CCDC9B: variants seen among roughly 807,000 people sequenced by gnomAD.
CCDC9B encodes coiled-coil domain-containing protein 9B.
Under a neutral mutation model 47.2 loss-of-function variants are expected in CCDC9B, and 40 were observed. That is an observed-to-expected ratio of 0.85 (90% CI 0.66 to 1.10). CCDC9B has a LOEUF of 1.10. Among genes scored for constraint, CCDC9B ranks in the 50% least tolerant of loss-of-function variants. The pLI is 0.00. For synonymous variants in CCDC9B, 238 were observed against 250.7 expected (o/e 0.95, Z 0.48); for missense variants, 662 against 651.0 (o/e 1.02, Z -0.18).
At chr15:40,339,487 C>G in intron 3 of CCDC9B, 25 bp downstream of exon 3, 3 of 1,612,158 alleles carry the variant, frequency 1.9e-6, no homozygotes, top group Non-Finnish European at 2.5e-6. Context: ...TTGCTACGAG[C>G]CCTGTCTCCC....
At chr15:40,337,671 C>G (rs1205213373) in intron 6 of CCDC9B, 53 bp downstream of exon 6, 4 of 1,535,142 alleles carry the variant, frequency 2.6e-6, no homozygotes, top group Non-Finnish European at 3.5e-6. Flanking sequence ...CAGCAGTGCC[C>G]GAAGCCAGCT....
chr15:40,337,190 C>G, intron 7 of CCDC9B, 198 bp downstream of exon 7: 1 of 715,300 alleles, frequency 1.4e-6, no homozygotes, highest in Non-Finnish European at 2.6e-6. Flanking sequence ...AGAACCTGGA[C>G]AAGAGCTGTG....
rs1222490335 is a variant in CCDC9B at position 40,334,287 on chromosome 15, TTCTC to T, written c.*867_*870del. 3 of 152,936 alleles carry T rather than the reference TTCTC, an allele frequency of 2.0e-5. No homozygotes were observed. The highest frequency in any genetic ancestry group is 4.8e-5 in the African/African-American group (2 of 41,578). The allele number at this position is 152,936 out of a possible 1,614,324, so 9.5% of individuals were successfully genotyped here. A position where few individuals can be genotyped will look rare whatever the true frequency, so the allele number is the denominator to read the frequency against. On this transcript the variant is annotated 3_prime_UTR_variant, in exon 11 of 11. Transcript: ENST00000397536. ...GATGTCATACTTAGCTGGAAGTTGT[TTCTC>T]TGTCTGTGGAGTAGCTGTCTGATTC...
At chr15:40,339,468 T>C (rs1236495480) in intron 3 of CCDC9B, 44 bp downstream of exon 3, 9 of 1,601,678 alleles carry the variant, frequency 5.6e-6, no homozygotes, top group Non-Finnish European at 7.7e-6. Context: ...GGTCTGGGCC[T>C]CCACCTCCTT....
At chr15:40,339,095 C>T (rs1595714357) in intron 3 of CCDC9B, 192 bp from the exon 4 acceptor site, 1 of 673,972 alleles carries the variant, frequency 1.5e-6, no homozygotes, top group Non-Finnish European at 2.6e-6. Context: ...CACCCAGCGG[C>T]CCAAGATGCC....
Position 40,335,182 on chromosome 15 carries a change from G to A in CCDC9B, c.1449C>T (p.Arg483=). The A allele has an allele frequency of 6.6e-7, 1 of 1,515,018 alleles. No individual in the cohort carries two copies. The highest frequency in any genetic ancestry group is 8.8e-7 in the Non-Finnish European group (1 of 1,131,106). 93.8% of individuals were successfully genotyped at this position (1,515,018 alleles called of 1,614,324 possible). The change falls in exon 11 of 11, where the codon CGC becomes CGT. Residue 483 remains arginine, a synonymous_variant. Coordinates refer to ENST00000397536, the MANE Select transcript of CCDC9B (RefSeq NM_207380.3). ...TTCAGCATCTTCCTGCCGGGCCAGGGCGCCCTGTCCTGCGCCTCACACCTG... is the reference window on the plus strand; with the variant it reads ...TTCAGCATCTTCCTGCCGGGCCAGGACGCCCTGTCCTGCGCCTCACACCTG... The part of the protein sequence containing the change: ...GTAGVRRRTG[R]PGPAGRC
chr15:40,334,869 A>G lies in CCDC9B; in HGVS notation c.*289T>C. 1 of 295,016 alleles carries G rather than the reference A, an allele frequency of 3.4e-6. No homozygotes were observed. Among genetic ancestry groups the G allele is most frequent in the Non-Finnish European group, 6.3e-6 (1 of 159,032 alleles). The allele number at this position is 295,016 out of a possible 1,614,324, so 18.3% of individuals were successfully genotyped here. Reference sequence around the variant, plus strand: ...GGAGAAGGCTTGTGGCCTGGGCAGCAGTAGGCCCAGGTCAGGGTGCACCAG... The same window carrying G: ...GGAGAAGGCTTGTGGCCTGGGCAGCGGTAGGCCCAGGTCAGGGTGCACCAG... On this transcript the variant is annotated 3_prime_UTR_variant, in exon 11 of 11. Transcript: ENST00000397536.
Position 40,335,704 on chromosome 15 carries a change from A to C in CCDC9B, c.931-4T>G, listed in dbSNP as rs1888943176. 1.5e-5 allele frequency: 23 copies of C among 1,568,350 alleles called. No homozygotes were observed. The highest frequency in any genetic ancestry group is 1.9e-5 in the Non-Finnish European group (22 of 1,155,278). ...TCTCTCTGGTGCTTTGGCTTCCCTG[A>C]AACAAGAGAATAGCCCCGGTGGCTG... is the stretch of plus-strand genomic sequence containing the variant. On this transcript the variant is annotated splice_polypyrimidine_tract_variant and splice_region_variant and intron_variant, in intron 10 of 10. Transcript: ENST00000397536.
In CCDC9B at chr15:40,337,883, T is replaced by C. The variant is rs1320173113; in HGVS notation, c.524A>G (p.Glu175Gly). 2 of 1,597,826 alleles carry C rather than the reference T, an allele frequency of 1.3e-6. No individual in the cohort carries two copies. The highest frequency in any genetic ancestry group is 3.4e-5 in the Admixed American group (2 of 58,486). ...CTCCCCCACCGGCCGGCTCCAGGGCTCCCAAGAACCCTGTAGGGAGAAGAC... is the reference window on the plus strand; with the variant it reads ...CTCCCCCACCGGCCGGCTCCAGGGCCCCCAAGAACCCTGTAGGGAGAAGAC... ...SSDSARKGSW[E>G]PWSRPVGEPP... Residue 175 changes from glutamate (E) to glycine (G), a missense_variant, in exon 6 of 11, where the codon GAG becomes GGG. By Grantham distance (98) the Glu-to-Gly change is moderately conservative. Coordinates refer to ENST00000397536, the MANE Select transcript of CCDC9B (RefSeq NM_207380.3).
At chr15:40,337,604 C>G in intron 6 of CCDC9B, 120 bp downstream of exon 6, 1 of 1,262,780 alleles carries the variant, frequency 7.9e-7, no homozygotes, top group Non-Finnish European at 1.1e-6. Context: ...ACCCTGGGCT[C>G]GACCAGAATG....
At position 40,335,181 on chromosome 15, in the gene CCDC9B, G is replaced by A. The variant is rs768598403; in HGVS notation, c.1450C>T (p.Pro484Ser). 1 of 1,514,362 alleles carries A rather than the reference G, an allele frequency of 6.6e-7. No individual in the cohort carries two copies. The highest frequency in any genetic ancestry group is 8.8e-7 in the Non-Finnish European group (1 of 1,130,780). The allele number at this position is 1,514,362 out of a possible 1,614,324, so 93.8% of individuals were successfully genotyped here. Residue 484 changes from proline (P) to serine (S), a missense_variant, in exon 11 of 11, where the codon CCT (proline) becomes TCT (serine). Physicochemically the swap from Pro to Ser is moderately conservative, Grantham distance 74. Coordinates refer to ENST00000397536, the MANE Select transcript of CCDC9B (RefSeq NM_207380.3). Reference sequence around the variant, plus strand: ...GTTCAGCATCTTCCTGCCGGGCCAGGGCGCCCTGTCCTGCGCCTCACACCT... The same window carrying A: ...GTTCAGCATCTTCCTGCCGGGCCAGAGCGCCCTGTCCTGCGCCTCACACCT... ...TAGVRRRTGRPGPAGRC is the reference protein window; with the variant it reads ...TAGVRRRTGRSGPAGRC
intron 2 of CCDC9B, 39 bp from the exon 3 acceptor site, chr15:40,339,658 C>T (rs1199326737): frequency 6.2e-7 from 1 of 1,609,380 alleles, no homozygotes; most frequent in East Asian, 2.2e-5. Context: ...CCATGGCCCC[C>T]CAGGTGCACA....
At chr15:40,336,166 G>T in intron 9 of CCDC9B, 1 of 985,414 alleles carries the variant, frequency 1.0e-6, no homozygotes, top group Non-Finnish European at 1.2e-6. Flanking sequence ...GTGGCTCCAG[G>T]ATGCTTCCCC....
rs997342402 is a variant in CCDC9B at position 40,332,594 on chromosome 15, A to G, written c.*2564T>C. The G allele has an allele frequency of 1.3e-5, 2 of 152,222 alleles. No homozygotes were observed. Among genetic ancestry groups the G allele is most frequent in the Non-Finnish European group, 1.5e-5 (1 of 68,090 alleles). 9.4% of individuals were successfully genotyped at this position (152,222 alleles called of 1,614,324 possible). On this transcript the variant is annotated 3_prime_UTR_variant, in exon 11 of 11. Transcript: ENST00000397536. ...AACCCGAGCTCTGCCTGCTTCCTAC[A>G]TCCTCATTCCAGGGTCAGACGAGCC... is the stretch of plus-strand genomic sequence containing the variant.
chr15:40,335,105 G>A lies in CCDC9B; in HGVS notation c.*53C>T. The A allele has an allele frequency of 6.9e-7, 1 of 1,454,358 alleles. No individual in the cohort carries two copies. The highest frequency in any genetic ancestry group is 1.4e-5 in the South Asian group (1 of 70,126). The allele number at this position is 1,454,358 out of a possible 1,614,324, so 90.1% of individuals were successfully genotyped here. A position where few individuals can be genotyped will look rare whatever the true frequency, so the allele number is the denominator to read the frequency against. On this transcript the variant is annotated 3_prime_UTR_variant, in exon 11 of 11. Transcript: ENST00000397536. Reference sequence around the variant, plus strand: ...GCCATCACGCGGAGGGCCTTTAACAGAGTGATTCCCTTTTCCTCTCCCCGG... The same window carrying A: ...GCCATCACGCGGAGGGCCTTTAACAAAGTGATTCCCTTTTCCTCTCCCCGG...
In CCDC9B at chr15:40,335,796, C is replaced by T. The variant is rs1888946177; in HGVS notation, c.918G>A (p.Leu306=). The change falls in exon 10 of 11, where the codon CTG becomes CTA. Residue 306 remains leucine, a synonymous_variant. Transcript: ENST00000397536. ...CCCAAGTACCTACCTCCTGACCTTC[C>T]AGCTCCTCCTTGTCTTCCTTCATAT... The part of the protein sequence containing the change: ...RWDMKEDKEE[L]EGQEGSQSTR... The T allele has an allele frequency of 6.2e-7, 1 of 1,611,472 alleles. No homozygotes were observed. Among genetic ancestry groups the T allele is most frequent in the Non-Finnish European group, 8.5e-7 (1 of 1,178,934 alleles).
chr15:40,338,257 T>C (rs1386146402), intron 5 of CCDC9B: 2 of 649,488 alleles, frequency 3.1e-6, no homozygotes, highest in African/African-American at 3.6e-5. Context: ...ACTTGGCCAG[T>C]CAACTCCACC....
rs2141249156 is a variant in CCDC9B at position 40,339,511 on chromosome 15, C to T, written c.231+1G>A. The stretch of plus-strand genomic sequence containing the variant: ...GCCCTGTCTCCCAGGGTGAGGCTTA[C>T]ACCGGGAACCTGGCTGATGGTAACG... On this transcript the variant is annotated splice_donor_variant, in intron 3 of 10. Transcript: ENST00000397536. LOFTEE classifies it high-confidence loss of function. The T allele has an allele frequency of 1.2e-6, 2 of 1,613,676 alleles. No homozygotes were observed. Among genetic ancestry groups the T allele is most frequent in the Non-Finnish European group, 8.5e-7 (1 of 1,179,812 alleles).
Position 40,335,457 on chromosome 15 carries a change from C to G in CCDC9B, c.1174G>C (p.Gly392Arg). ...GAGIPGPRES[G>R]CVLGLRPGAQ... is the part of the protein sequence containing the mutation. The stretch of plus-strand genomic sequence containing the variant: ...CCAGGCCTCAGACCGAGCACACACC[C>G]GCTCTCCCTGGGCCCAGGGATGCCA... The change falls in exon 11 of 11, where the codon GGG becomes CGG. Residue 392 changes from glycine (G) to arginine (R), a missense_variant. Transcript: ENST00000397536. 1 of 1,604,580 alleles carries G rather than the reference C, an allele frequency of 6.2e-7. No homozygotes were observed. Among genetic ancestry groups the G allele is most frequent in the Non-Finnish European group, 8.5e-7 (1 of 1,175,554 alleles).
Sources: allele counts gnomAD v4.1 joint callset, GRCh38; gene constraint gnomAD v4.1.1; transcripts MANE v1.5; gene names NCBI Gene and HGNC (gene_info 2026-07-23, HGNC 2026-07-21).